ADORA1: variants seen among roughly 807,000 people sequenced by gnomAD.
The protein encoded by ADORA1 is adenosine receptor A1.
A neutral mutation model predicts 19.9 loss-of-function variants in ADORA1; 6 were observed. The ratio of observed to expected loss-of-function variants is 0.30; its 90% CI spans 0.17 to 0.59. The LOEUF is 0.59. Among genes scored for constraint, ADORA1 ranks in the 20% least tolerant of loss-of-function variants. The pLI is 0.87. For missense variants in ADORA1, 302 were observed against 439.2 expected (o/e 0.69, Z 2.79); for synonymous variants, 194 against 188.4 (o/e 1.03, Z -0.24).
chr1:203,146,083 A>G (rs1207135090), intron 3 of ADORA1, among the ~76,000 whole-genome samples: 1 of 151,456 alleles, frequency 6.6e-6, no homozygotes, highest in Non-Finnish European at 1.5e-5. Context: ...GCTGCCTGGC[A>G]CTAGAAGTTC....
At chr1:203,129,314 C>G in intron 3 of ADORA1, 132 bp downstream of exon 3, 2 of 1,448,292 alleles carry the variant, frequency 1.4e-6, no homozygotes, top group Non-Finnish European at 9.1e-7. Flanking sequence ...TGCTCCAGTC[C>G]TCACTCTGCC....
rs371455566 is a variant in ADORA1, at chr1:203,165,415, G to C, written c.496G>C (p.Val166Leu). ...WAANGSMGEP[V>L]IKCEFEKVIS... ...AGCCAACGGCAGCATGGGGGAGCCC[G>C]TGATCAAGTGCGAGTTCGAGAAGGT... The change falls in exon 4 of 4, where the codon GTG becomes CTG. Residue 166 changes from valine (V) to leucine (L), a missense_variant. By Grantham distance (32) the Val-to-Leu change is conservative. Coordinates refer to ENST00000337894, the MANE Select transcript of ADORA1 (RefSeq NM_000674.3). This position sits in a 1 kb window ranked among gnomAD's most constrained non-coding sequence, Gnocchi z 5.9. 1 of 1,612,290 alleles carries C rather than the reference G, an allele frequency of 6.2e-7. No individual in the cohort carries two copies. Among genetic ancestry groups the C allele is most frequent in the Non-Finnish European group, 8.5e-7 (1 of 1,179,122 alleles).
At chr1:203,151,685 C>A (rs978784585) in intron 3 of ADORA1, among the ~76,000 whole-genome samples, 22 of 152,134 alleles carry the variant, frequency 1.4e-4, no homozygotes, top group Non-Finnish European at 2.5e-4. Context: ...CAGGACAAAA[C>A]CAAGGCTCAA....
chr1:203,158,679 A>G (rs1655269306), intron 3 of ADORA1, among the ~76,000 whole-genome samples: 1 of 152,174 alleles, frequency 6.6e-6, no homozygotes, highest in South Asian at 2.1e-4. Context: ...GTCTTAGTCC[A>G]TTTTGTGCTG....
At position 203,128,939 on chromosome 1, in the gene ADORA1, C is replaced by A. The variant is rs1654243276; in HGVS notation, c.98C>A (p.Ala33Glu). The change falls in exon 3 of 4, where the codon GCG (alanine) becomes GAG (glutamate). Residue 33 changes from alanine (A) to glutamate (E), a missense_variant. Coordinates refer to ENST00000337894, the MANE Select transcript of ADORA1 (RefSeq NM_000674.3). This position sits in a 1 kb window ranked among gnomAD's most constrained non-coding sequence, Gnocchi z 5.9. ...CCCGGGAACGTGCTGGTGATCTGGG[C>A]GGTGAAGGTGAACCAGGCGCTGCGG... ...SVPGNVLVIW[A>E]VKVNQALRDA... 3 of 1,614,034 alleles carry A rather than the reference C, an allele frequency of 1.9e-6. No individual in the cohort carries two copies. Among genetic ancestry groups the A allele is most frequent in the Non-Finnish European group, 2.5e-6 (3 of 1,180,036 alleles).
At chr1:203,133,530 C>T (rs1654410171) in intron 3 of ADORA1, among the ~76,000 whole-genome samples, 2 of 152,342 alleles carry the variant, frequency 1.3e-5, no homozygotes, top group Non-Finnish European at 2.9e-5. Flanking sequence ...CTAACAGATG[C>T]CTTTAACCAG....
chr1:203,139,746 G>C (rs111447585), intron 3 of ADORA1, among the ~76,000 whole-genome samples: 1 of 152,210 alleles, frequency 6.6e-6, no homozygotes, highest in Non-Finnish European at 1.5e-5. Flanking sequence ...AGCAGGGAGC[G>C]AGAGCCCATG....
At chr1:203,136,047 A>G (rs1472396279) in intron 3 of ADORA1, among the ~76,000 whole-genome samples, 1 of 152,068 alleles carries the variant, frequency 6.6e-6, no homozygotes, top group Non-Finnish European at 1.5e-5. Context: ...GGTGAGGCAC[A>G]TCTTGGTTGG....
At chr1:203,129,250 GA>G (rs995268313) in intron 3 of ADORA1, 68 bp downstream of exon 3, 3 of 1,533,580 alleles carry the variant, frequency 2.0e-6, no homozygotes, top group Non-Finnish European at 1.8e-6. Flanking sequence ...ATCTAGAAAG[GA>G]AAAAAGGTAG....
At position 203,132,640 on chromosome 1, in the gene ADORA1, C is replaced by T. The variant is rs183284007; in HGVS notation, c.341+3458C>T. On this transcript the variant is annotated intron_variant, in intron 3 of 3. Transcript: ENST00000337894. The stretch of plus-strand genomic sequence containing the variant: ...GGTGTATCCCTTGAGACCAGGAGTT[C>T]GAGATCAGCCTGGACAACATGGTGA... 1.8e-4 allele frequency among the ~76,000 whole-genome samples: 28 copies of T among 152,080 alleles called. No individual in the cohort carries two copies. The East Asian group carries it at 3.5e-3, about 19-fold the overall frequency.
intron 3 of ADORA1, among the ~76,000 whole-genome samples, chr1:203,133,418 C>T (rs1654406740): frequency 6.6e-6 from 1 of 152,162 alleles, no homozygotes; most frequent in Admixed American, 6.5e-5. Flanking sequence ...CCTGGCCTCT[C>T]TATAGACAAT....
chr1:203,141,964 A>G (rs1267348121), intron 3 of ADORA1, among the ~76,000 whole-genome samples: 1 of 152,164 alleles, frequency 6.6e-6, no homozygotes, highest in Admixed American at 6.5e-5. Flanking sequence ...AATGAACTGA[A>G]GGGTAAGAGC....
intron 3 of ADORA1, among the ~76,000 whole-genome samples, chr1:203,162,186 G>C (rs1318020581): frequency 6.6e-6 from 1 of 152,192 alleles, no homozygotes; most frequent in East Asian, 1.9e-4. Context: ...TTGGGAGGCA[G>C]CCCTTCCTGT....
At chr1:203,162,862 T>C (rs532887083) in intron 3 of ADORA1, among the ~76,000 whole-genome samples, 38 of 152,280 alleles carry the variant, frequency 2.5e-4, no homozygotes, top group African/African-American at 8.9e-4. Context: ...GCAGATGTGA[T>C]GGGTGGTGGG....
At chr1:203,144,683 C>G in intron 3 of ADORA1, 1 of 152,228 alleles carries the variant, frequency 6.6e-6, no homozygotes, top group Middle Eastern at 3.1e-3. Context: ...TTGAGGAAAT[C>G]ACTTACCTCT....
chr1:203,158,815 A>T (rs575774117), intron 3 of ADORA1, among the ~76,000 whole-genome samples: 1 of 152,202 alleles, frequency 6.6e-6, no homozygotes, highest in Non-Finnish European at 1.5e-5. Context: ...TTTCTGGCTC[A>T]TCCTATGGCT....
intron 3 of ADORA1, among the ~76,000 whole-genome samples, chr1:203,153,861 C>G (rs1203765007): frequency 2.0e-5 from 3 of 152,192 alleles, no homozygotes; most frequent in Admixed American, 2.0e-4. Context: ...CCTTACTTTC[C>G]TGCTCTTGAG....
chr1:203,151,897 A>G (rs955187153), intron 3 of ADORA1, among the ~76,000 whole-genome samples: 6 of 152,158 alleles, frequency 3.9e-5, no homozygotes, highest in Admixed American at 1.3e-4. Flanking sequence ...GCACAGAGCT[A>G]CAGCATGGAA....
At chr1:203,159,417 C>A (rs981137971) in intron 3 of ADORA1, among the ~76,000 whole-genome samples, 1 of 152,230 alleles carries the variant, frequency 6.6e-6, no homozygotes, top group Non-Finnish European at 1.5e-5. Flanking sequence ...GCCTTCACCC[C>A]TGAGGCTCCT....
Sources: allele counts gnomAD v4.1 joint callset (sites outside exome capture counted in the v4.1 genomes callset), GRCh38; gene constraint gnomAD v4.1.1; non-coding constraint Gnocchi (gnomAD v3.1); transcripts MANE v1.5; gene names NCBI Gene and HGNC (gene_info 2026-07-23, HGNC 2026-07-21).